Variants in ABCB9 observed in about 807,000 individuals in gnomAD.
ABCB9 encodes the protein ABC-type oligopeptide transporter ABCB9.
In ABCB9, 36 loss-of-function variants were observed where a neutral mutation model predicts 62.0. The observed-to-expected ratio is 0.58, with a 90% CI of 0.45 to 0.77. ABCB9 has a LOEUF of 0.77. Among genes scored for constraint, ABCB9 ranks in the 30% least tolerant of loss-of-function variants. The probability of loss-of-function intolerance (pLI) is 0.00; values close to 1 mark genes in which losing one functional copy is unlikely to be tolerated. For missense variants in ABCB9, 943 were observed against 1,054.7 expected, an observed-to-expected ratio of 0.89 and a Z score of 1.47; for synonymous variants, 435 against 461.4, an observed-to-expected ratio of 0.94 and a Z score of 0.73.
chr12:122,936,661 T>G (rs2035472437), intron 9 of ABCB9, among the ~76,000 whole-genome samples: 1 of 151,976 alleles, frequency 6.6e-6, no homozygotes, highest in Non-Finnish European at 1.5e-5. Flanking sequence ...TCCTAGCACT[T>G]TGGGAGGCCG....
chr12:122,958,995 A>G (rs1164718919), intron 2 of ABCB9, among the ~76,000 whole-genome samples: 3 of 150,068 alleles, frequency 2.0e-5, no homozygotes, highest in Non-Finnish European at 4.4e-5. Context: ...TTGGCCTCCC[A>G]AAGTGCTGGG....
At chr12:122,928,605 CCTG>C (rs2034975202), downstream of ABCB9, among the ~76,000 whole-genome samples, 1 of 152,158 alleles carries the variant, frequency 6.6e-6, no homozygotes, top group South Asian at 2.1e-4. Flanking sequence ...CCCAAACCTC[CCTG>C]CTGATTGAGC....
rs2037067315 is a variant in ABCB9, at chr12:122,964,418, G to A, written c.-88+1869C>T. ...GGAAACTGAGGCCCACAGAGGGAGG[G>A]GGTGAGGCTTGTCTCAGGTCATCCA... On this transcript the variant is annotated intron_variant, in intron 1 of 11. Coordinates refer to ENST00000280560, the MANE Select transcript of ABCB9 (RefSeq NM_019625.4). This position sits in a 1 kb window ranked among gnomAD's most constrained non-coding sequence, Gnocchi z 4.7. 2.6e-5 allele frequency among the ~76,000 whole-genome samples: 4 copies of A among 152,240 alleles called. No homozygotes were observed.
In ABCB9 at chr12:122,929,551, G is replaced by C. The variant is rs757794845; in HGVS notation, c.*360C>G. On this transcript the variant is annotated 3_prime_UTR_variant, in exon 12 of 12. Coordinates refer to ENST00000280560, the MANE Select transcript of ABCB9 (RefSeq NM_019625.4). The surrounding 1 kb of genome is among the most constrained non-coding windows in gnomAD (Gnocchi z 6.0). ...AAGTTTCTAGAACATCTTGGTGAAA[G>C]TGCCCGCCATTACTCCCAATTAGAA... The C allele has an allele frequency of 9.5e-7, 1 of 1,049,454 alleles. No homozygotes were observed. Among genetic ancestry groups the C allele is most frequent in the South Asian group, 4.5e-5 (1 of 21,994 alleles). 65.0% of individuals were successfully genotyped at this position (1,049,454 alleles called of 1,614,324 possible).
intron 10 of ABCB9, 30 bp downstream of exon 10, chr12:122,935,242 C>A: frequency 6.3e-7 from 1 of 1,577,620 alleles, no homozygotes. Flanking sequence ...CCCTGTGGGC[C>A]CAGGAGAGGG....
rs372006478 is a variant in ABCB9 at position 122,929,384 on chromosome 12, C to T, written c.*527G>A. 1.0e-6 allele frequency: 1 copy of T among 986,110 alleles called. No individual in the cohort carries two copies. The allele number at this position is 986,110 out of a possible 1,614,324, so 61.1% of individuals were successfully genotyped here. A position where few individuals can be genotyped will look rare whatever the true frequency, so the allele number is the denominator to read the frequency against. ...GCCCTGGCCAGACTCACAGAGCTGG[C>T]AAGAGGGAGAGACGGAAAATCCCGT... is the stretch of plus-strand genomic sequence containing the variant. On this transcript the variant is annotated 3_prime_UTR_variant, in exon 12 of 12. Transcript: ENST00000280560. The surrounding 1 kb of genome is among the most constrained non-coding windows in gnomAD (Gnocchi z 6.0).
At position 122,929,139 on chromosome 12, in the gene ABCB9, C is replaced by T; in HGVS notation, c.*772G>A. The T allele has an allele frequency of 1.0e-6, 1 of 984,942 alleles. No homozygotes were observed. The highest frequency in any genetic ancestry group is 1.2e-6 in the Non-Finnish European group (1 of 829,900). 61.0% of individuals were successfully genotyped at this position (984,942 alleles called of 1,614,324 possible). A position where few individuals can be genotyped will look rare whatever the true frequency, so the allele number is the denominator to read the frequency against. On this transcript the variant is annotated 3_prime_UTR_variant, in exon 12 of 12. Transcript: ENST00000280560. This position sits in a 1 kb window ranked among gnomAD's most constrained non-coding sequence, Gnocchi z 6.0. ...CATGAACATCCACGTGGCCTCCAGA[C>T]AGCAGAGCACAGGGGCGGGTGTGGG...
At chr12:122,921,115 A>G in intron 11 of ABCB9, 2 of 1,487,496 alleles carry the variant, frequency 1.3e-6, no homozygotes, top group Non-Finnish European at 1.8e-6. Flanking sequence ...CCTCTGGATC[A>G]TGCAATTTAA....
Position 122,929,195 on chromosome 12 carries a change from C to T in ABCB9, c.*716G>A, listed in dbSNP as rs1252740469. 4.1e-6 allele frequency: 4 copies of T among 985,578 alleles called. No homozygotes were observed. Among genetic ancestry groups the T allele is most frequent in the Non-Finnish European group, 1.2e-6 (1 of 830,036 alleles). 61.1% of individuals were successfully genotyped at this position (985,578 alleles called of 1,614,324 possible). On this transcript the variant is annotated 3_prime_UTR_variant, in exon 12 of 12. Transcript: ENST00000280560. The surrounding 1 kb of genome is among the most constrained non-coding windows in gnomAD (Gnocchi z 6.0). ...AGGCTGCCAGCCAGGGGTGGGTGGACGAGGGGCGAAAGCGCTGGGTGCCGG... is the reference window on the plus strand; with the variant it reads ...AGGCTGCCAGCCAGGGGTGGGTGGATGAGGGGCGAAAGCGCTGGGTGCCGG...
At chr12:122,954,025 T>C (rs1279504452) in intron 2 of ABCB9, among the ~76,000 whole-genome samples, 1 of 152,126 alleles carries the variant, frequency 6.6e-6, no homozygotes, top group African/African-American at 2.4e-5. Context: ...AATCTTAGGC[T>C]ACAGAAGGTA....
chr12:122,933,940 T>C (rs2035324713), intron 10 of ABCB9, among the ~76,000 whole-genome samples: 2 of 152,162 alleles, frequency 1.3e-5, no homozygotes, highest in African/African-American at 2.4e-5. Flanking sequence ...AAGTACACAG[T>C]ACACTGTTAC....
At chr12:122,956,692 T>G (rs2036621841) in intron 2 of ABCB9, among the ~76,000 whole-genome samples, 1 of 152,226 alleles carries the variant, frequency 6.6e-6, no homozygotes, top group African/African-American at 2.4e-5. Context: ...GGCTAAGTTT[T>G]ATATTTTTAG....
chr12:122,973,844 G>A (rs984551046), intron 1 of ABCB9, among the ~76,000 whole-genome samples: 3 of 151,074 alleles, frequency 2.0e-5, no homozygotes, highest in African/African-American at 4.9e-5. Context: ...CTGGGCGACA[G>A]AGCAAGACTC....
At chr12:122,941,302 T>G (rs1215369075) in intron 7 of ABCB9, among the ~76,000 whole-genome samples, 1 of 149,826 alleles carries the variant, frequency 6.7e-6, no homozygotes, top group Admixed American at 6.6e-5. Flanking sequence ...TCAATTGCGA[T>G]AGCATAGCTT....
chr12:122,965,773 T>C (rs1304816035), intron 1 of ABCB9, among the ~76,000 whole-genome samples: 1 of 151,576 alleles, frequency 6.6e-6, no homozygotes, highest in Non-Finnish European at 1.5e-5. Flanking sequence ...GAGGCTCCCC[T>C]GGGAACCTAC....
At chr12:122,935,140 C>G (rs527446670) in intron 10 of ABCB9, 132 bp downstream of exon 10, 16 of 1,139,924 alleles carry the variant, frequency 1.4e-5, no homozygotes, top group Non-Finnish European at 1.9e-5. Context: ...CGAGTCTGGC[C>G]AGGGTAACGT....
Position 122,946,194 on chromosome 12 carries a change from A to G in ABCB9, c.1082T>C (p.Leu361Pro). ...CTCCGCCGTGTTGCTCGCTCTGGCC[A>G]GGGCATTCTGGACCTCTTTGGAGAG... ...KRLSKEVQNA[L>P]ARASNTAEET... The change falls in exon 6 of 12, where the codon CTG becomes CCG. Residue 361 changes from leucine to proline, a missense_variant. Transcript: ENST00000280560. 1 of 1,614,150 alleles carries G rather than the reference A, an allele frequency of 6.2e-7. No individual in the cohort carries two copies. Among genetic ancestry groups the G allele is most frequent in the South Asian group, 1.1e-5 (1 of 91,076 alleles).
chr12:122,936,236 T>TA (rs34689273), intron 9 of ABCB9, among the ~76,000 whole-genome samples: 5 of 152,138 alleles, frequency 3.3e-5, no homozygotes, highest in African/African-American at 9.7e-5. Context: ...TATTTTTGTT[T>TA]AAAAAAATTA....
In ABCB9 at chr12:122,959,937, T is replaced by C; in HGVS notation, c.299A>G (p.Lys100Arg). The change falls in exon 2 of 12, where the codon AAG becomes AGG. Residue 100 changes from lysine (K) to arginine (R), a missense_variant. Physicochemically the swap from Lys to Arg is conservative, Grantham distance 26 (BLOSUM62 2). Coordinates refer to ENST00000280560, the MANE Select transcript of ABCB9 (RefSeq NM_019625.4). The surrounding 1 kb of genome is among the most constrained non-coding windows in gnomAD (Gnocchi z 5.4). ...CLFVGIYAMV[K>R]LLLFSEVRRP... is the part of the protein sequence containing the mutation. ...GCGCACCTCTGAGAAGAGCAGCAGC[T>C]TCACCATGGCATAGATGCCCACGAA... 6.2e-7 allele frequency: 1 copy of C among 1,613,332 alleles called. No individual in the cohort carries two copies. Among genetic ancestry groups the C allele is most frequent in the Non-Finnish European group, 8.5e-7 (1 of 1,179,946 alleles).
Sources: gnomAD v4.1 joint callset for allele counts (sites outside exome capture counted in the v4.1 genomes callset) on GRCh38, gnomAD v4.1.1 for gene constraint, Gnocchi (gnomAD v3.1) non-coding constraint, MANE v1.5 for transcripts, NCBI Gene and HGNC (gene_info 2026-07-23, HGNC 2026-07-21) for gene names.